ST18: variants seen among roughly 807,000 people sequenced by gnomAD.
ST18 encodes the protein ST18 C2H2C-type zinc finger transcription factor.
ST18 carries 50 observed loss-of-function variants against 110.0 expected under a neutral mutation model. The observed-to-expected ratio is 0.45, with a 90% CI of 0.36 to 0.58. The LOEUF (loss-of-function observed/expected upper bound fraction) is 0.58. Ranked by LOEUF, ST18 falls within the 20% of genes least tolerant of loss-of-function variation. The pLI is 0.00. For synonymous variants in ST18, 461 were observed against 452.4 expected (o/e 1.02, Z -0.24); for missense variants, 1,306 against 1,280.1 (o/e 1.02, Z -0.31).
intron 2 of ST18, among the ~76,000 whole-genome samples, chr8:52,399,170 T>A (rs1444717758): frequency 6.6e-6 from 1 of 152,054 alleles, no homozygotes; most frequent in Non-Finnish European, 1.5e-5. Context: ...CTTGGTAGGT[T>A]ATATTTTTCT....
At chr8:52,205,549 T>A (rs1043442787) in intron 8 of ST18, among the ~76,000 whole-genome samples, 51 of 152,112 alleles carry the variant, frequency 3.4e-4, no homozygotes, top group South Asian at 8.3e-4. Context: ...TTTAAAAAAA[T>A]TTTTTTAATT....
intron 2 of ST18, among the ~76,000 whole-genome samples, chr8:52,326,738 G>A (rs1806612732): frequency 6.6e-6 from 1 of 152,186 alleles, no homozygotes. Flanking sequence ...TACTGAAAAA[G>A]AATTATTGCA....
At chr8:52,355,333 G>A (rs1822194643) in intron 2 of ST18, among the ~76,000 whole-genome samples, 1 of 152,144 alleles carries the variant, frequency 6.6e-6, no homozygotes, top group Non-Finnish European at 1.5e-5. Flanking sequence ...CTACCTCCGG[G>A]GCCTGTGTGG....
At chr8:52,259,650 T>C (rs185216374) in intron 2 of ST18, among the ~76,000 whole-genome samples, 7 of 152,312 alleles carry the variant, frequency 4.6e-5, no homozygotes, top group Admixed American at 1.3e-4. Context: ...AGTGCTTATA[T>C]TATGCCATGC....
chr8:52,162,876 T>A (rs546347708), intron 13 of ST18, among the ~76,000 whole-genome samples: 2 of 152,306 alleles, frequency 1.3e-5, no homozygotes, highest in South Asian at 2.1e-4. Context: ...AAGTTTCCAA[T>A]GAGTTTTTTT....
intron 2 of ST18, among the ~76,000 whole-genome samples, chr8:52,312,425 C>CA (rs1258699437): frequency 1.3e-5 from 2 of 152,092 alleles, no homozygotes; most frequent in Admixed American, 1.3e-4. Flanking sequence ...TACGATAAAT[C>CA]AAAAAACAAT....
At chr8:52,207,950 T>C (rs1164275255) in intron 8 of ST18, among the ~76,000 whole-genome samples, 1 of 152,206 alleles carries the variant, frequency 6.6e-6, no homozygotes, top group Non-Finnish European at 1.5e-5. Flanking sequence ...GATAATGCAA[T>C]GGTCATGATT....
intron 9 of ST18, among the ~76,000 whole-genome samples, chr8:52,178,614 CAAAAAAAAAAAAAAA>C (rs869184166): frequency 8.4e-4 from 2 of 2,394 alleles, no homozygotes; most frequent in African/African-American, 4.8e-3. Flanking sequence ...GAGACTCCAT[CAAAAAAAAAAAAAAA>C]AAAAAAAAAA....
intron 2 of ST18, among the ~76,000 whole-genome samples, chr8:52,258,524 C>T (rs936363249): frequency 1.3e-5 from 2 of 151,936 alleles, no homozygotes; most frequent in Non-Finnish European, 2.9e-5. Context: ...TTGTTTTATT[C>T]TTTTTTAAGC....
Position 52,369,577 on chromosome 8 carries a change from GT to G in ST18, c.-465+39750del, listed in dbSNP as rs1190825888. On this transcript the variant is annotated intron_variant, in intron 2 of 25. Transcript: ENST00000689386. The stretch of plus-strand genomic sequence containing the variant: ...ACACTTCTATCTTGTTTAAGCCACT[GT>G]TTTTTTATAAATCTCCATCACAGAT... Among the ~76,000 whole-genome samples the G allele has an allele frequency of 4.6e-5, 7 of 152,224 alleles. No individual in the cohort carries two copies. In the South Asian group the frequency reaches 6.2e-4, roughly 14 times the overall value.
intron 2 of ST18, chr8:52,406,454 C>T (rs1844527216): frequency 2.0e-5 from 3 of 152,434 alleles, no homozygotes; most frequent in Non-Finnish European, 2.9e-5. Flanking sequence ...CAGTCACTCC[C>T]TGGCGGGCCA....
At chr8:52,382,606 CAA>C (rs1311412184) in intron 2 of ST18, among the ~76,000 whole-genome samples, 1 of 151,250 alleles carries the variant, frequency 6.6e-6, no homozygotes, top group Non-Finnish European at 1.5e-5. Flanking sequence ...GTCCAGAAGA[CAA>C]AAAGAAGAGG....
intron 2 of ST18, among the ~76,000 whole-genome samples, chr8:52,258,572 G>T (rs1414860691): frequency 6.6e-6 from 1 of 151,824 alleles, no homozygotes; most frequent in East Asian, 1.9e-4. Context: ...TTTATATCTT[G>T]CAGCCTTGCT....
chr8:52,267,697 C>T (rs2094920475), intron 2 of ST18, among the ~76,000 whole-genome samples: 1 of 152,120 alleles, frequency 6.6e-6, no homozygotes, highest in South Asian at 2.1e-4. Context: ...TTATACGTTT[C>T]CTTTGCTACA....
At chr8:52,137,594 AG>A in intron 17 of ST18, 111 bp from the exon 18 acceptor site, 1 of 968,162 alleles carries the variant, frequency 1.0e-6, no homozygotes, top group Non-Finnish European at 1.6e-6. Context: ...AAGTTAACAC[AG>A]TATAGGACAT....
intron 8 of ST18, among the ~76,000 whole-genome samples, chr8:52,195,550 A>G (rs2075933829): frequency 6.6e-6 from 1 of 152,178 alleles, no homozygotes; most frequent in African/African-American, 2.4e-5. Flanking sequence ...TACCAAAATC[A>G]TAACTATATT....
intron 2 of ST18, among the ~76,000 whole-genome samples, chr8:52,375,643 C>T (rs1254695773): frequency 6.6e-6 from 1 of 152,158 alleles, no homozygotes; most frequent in African/African-American, 2.4e-5. Context: ...CCTCTTTATC[C>T]TCAATGCCAT....
At chr8:52,221,385 A>G (rs1455313591) in intron 4 of ST18, among the ~76,000 whole-genome samples, 1 of 152,192 alleles carries the variant, frequency 6.6e-6, no homozygotes, top group Non-Finnish European at 1.5e-5. Context: ...TTGTCGTCCA[A>G]TGAAATGCTT....
chr8:52,224,613 T>C (rs1431922565), intron 3 of ST18, among the ~76,000 whole-genome samples: 1 of 152,226 alleles, frequency 6.6e-6, no homozygotes, highest in Non-Finnish European at 1.5e-5. Flanking sequence ...GGAACCACTC[T>C]GCAGGAAAAA....
Sources: allele counts gnomAD v4.1 joint callset (sites outside exome capture counted in the v4.1 genomes callset), GRCh38; gene constraint gnomAD v4.1.1; transcripts MANE v1.5; gene names NCBI Gene and HGNC (gene_info 2026-07-23, HGNC 2026-07-21).